Variants in PRUNE2 observed in about 807,000 individuals in gnomAD.
PRUNE2 encodes protein prune homolog 2.
A neutral mutation model predicts 252.0 loss-of-function variants in PRUNE2; 164 were observed. That is an observed-to-expected ratio of 0.65 (90% confidence interval 0.57 to 0.74). The LOEUF (loss-of-function observed/expected upper bound fraction) is 0.74. PRUNE2 is among the 30% of genes least tolerant of loss of function. PRUNE2 has a pLI of 0.00. For synonymous variants in PRUNE2, 1,292 were observed against 1,350.2 expected (o/e 0.96, Z 0.94); for missense variants, 3,495 against 3,711.0 (o/e 0.94, Z 1.51).
chr9:76,757,621 G>A (rs943099668), intron 6 of PRUNE2, among the ~76,000 whole-genome samples: 17 of 152,158 alleles, frequency 1.1e-4, no homozygotes, highest in African/African-American at 4.1e-4. Context: ...AAGTGAGGAA[G>A]AATTTATTAA....
chr9:76,771,557 T>C (rs1297580499), intron 6 of PRUNE2, among the ~76,000 whole-genome samples: 1 of 152,092 alleles, frequency 6.6e-6, no homozygotes, highest in East Asian at 1.9e-4. Flanking sequence ...GCTGGAGTGG[T>C]AGGGTAATAA....
At chr9:76,761,872 C>G (rs2051765331) in intron 6 of PRUNE2, among the ~76,000 whole-genome samples, 1 of 152,118 alleles carries the variant, frequency 6.6e-6, no homozygotes, top group South Asian at 2.1e-4. Flanking sequence ...ATAGCTTTTG[C>G]ATTGGTTATA....
intron 9 of PRUNE2, among the ~76,000 whole-genome samples, chr9:76,697,226 C>A (rs2045476281): frequency 6.6e-6 from 1 of 152,152 alleles, no homozygotes; most frequent in Non-Finnish European, 1.5e-5. Flanking sequence ...AACTAGAAGC[C>A]AATACAACAC....
intron 17 of PRUNE2, among the ~76,000 whole-genome samples, chr9:76,622,441 A>G (rs563798524): frequency 1.4e-4 from 21 of 152,358 alleles, no homozygotes; most frequent in African/African-American, 4.8e-4. Flanking sequence ...CATGGTAATA[A>G]TGAAAGAAAC....
In PRUNE2 at chr9:76,704,166, A is replaced by G. The variant is rs1013384294; in HGVS notation, c.7514-67T>C. 8.3e-5 allele frequency: 85 copies of G among 1,018,338 alleles called. 1 individual carries two copies. The highest frequency in any genetic ancestry group is 5.2e-5 in the Admixed American group (2 of 38,744). The allele number at this position is 1,018,338 out of a possible 1,614,324, so 63.1% of individuals were successfully genotyped here. A position where few individuals can be genotyped will look rare whatever the true frequency, so the allele number is the denominator to read the frequency against. On this transcript the variant is annotated intron_variant, in intron 8 of 18. Coordinates refer to ENST00000376718, the MANE Select transcript of PRUNE2 (RefSeq NM_015225.3). ...TAATTAACACATTGTGTGATTTGTG[A>G]TCCTTGCAAATGATCATCTAAAAGA...
chr9:76,887,944 C>T (rs1444645876), intron 1 of PRUNE2, among the ~76,000 whole-genome samples: 1 of 152,152 alleles, frequency 6.6e-6, no homozygotes, highest in Non-Finnish European at 1.5e-5. Flanking sequence ...CTGACCATCC[C>T]CAAGCTAAAC....
chr9:76,897,197 T>C (rs962977751), intron 1 of PRUNE2, among the ~76,000 whole-genome samples: 4 of 152,166 alleles, frequency 2.6e-5, no homozygotes, highest in African/African-American at 9.7e-5. Flanking sequence ...GCAATTTCAC[T>C]AACTTACCAC....
chr9:76,833,413 A>G (rs773874814), intron 4 of PRUNE2, among the ~76,000 whole-genome samples: 79 of 152,322 alleles, frequency 5.2e-4, no homozygotes, highest in Middle Eastern at 3.4e-3. Flanking sequence ...TCATTATGTG[A>G]AATCTTAGTC....
chr9:76,812,122 T>G (rs1265138420), intron 6 of PRUNE2, among the ~76,000 whole-genome samples: 2 of 151,902 alleles, frequency 1.3e-5, no homozygotes, highest in Admixed American at 1.3e-4. Flanking sequence ...AAAATGATAA[T>G]CCAGGATGCA....
intron 9 of PRUNE2, among the ~76,000 whole-genome samples, chr9:76,668,663 T>C (rs1477728276): frequency 6.6e-6 from 1 of 151,928 alleles, no homozygotes; most frequent in Non-Finnish European, 1.5e-5. Flanking sequence ...TGTTGGAAAC[T>C]TGTAGGAGTT....
chr9:76,614,984 G>T, intron 18 of PRUNE2: 2 of 494,100 alleles, frequency 4.0e-6, no homozygotes, highest in Non-Finnish European at 5.3e-6. Context: ...CAAATGTTCT[G>T]CCTCAAGTAA....
intron 6 of PRUNE2, among the ~76,000 whole-genome samples, chr9:76,777,915 C>T (rs2053975640): frequency 1.3e-5 from 2 of 152,058 alleles, no homozygotes; most frequent in South Asian, 4.2e-4. Context: ...GGTACAAAGT[C>T]CCTGAGGCAA....
intron 1 of PRUNE2, among the ~76,000 whole-genome samples, chr9:76,883,307 C>T (rs767061919): frequency 1.3e-5 from 2 of 152,208 alleles, no homozygotes; most frequent in African/African-American, 2.4e-5. Context: ...TCGCACCTTT[C>T]GGGTTCAACC....
rs773825337 is a variant in PRUNE2, at chr9:76,613,842, C to CA, written c.*727dup. The CA allele has an allele frequency of 1.8e-4, 27 of 152,136 alleles. No individual in the cohort carries two copies. The highest frequency in any genetic ancestry group is 4.6e-4 in the Admixed American group (7 of 15,276). 9.4% of individuals were successfully genotyped at this position (152,136 alleles called of 1,614,324 possible). A position where few individuals can be genotyped will look rare whatever the true frequency, so the allele number is the denominator to read the frequency against. On this transcript the variant is annotated 3_prime_UTR_variant, in exon 19 of 19. Coordinates refer to ENST00000376718, the MANE Select transcript of PRUNE2 (RefSeq NM_015225.3). ...GGAGCTGAGTTTATGGCCTGAAACT[C>CA]AGAGAGCTACCAAACATGCAACACG...
At chr9:76,810,189 T>C (rs1194503261) in intron 6 of PRUNE2, among the ~76,000 whole-genome samples, 5 of 152,232 alleles carry the variant, frequency 3.3e-5, no homozygotes, top group Non-Finnish European at 5.9e-5. Flanking sequence ...GGGCAAAACA[T>C]AGACACAAAT....
intron 4 of PRUNE2, among the ~76,000 whole-genome samples, chr9:76,836,753 G>C (rs1217907554): frequency 6.6e-6 from 1 of 152,146 alleles, no homozygotes; most frequent in African/African-American, 2.4e-5. Context: ...CCCCCACAAA[G>C]CCTGAACACA....
Position 76,743,673 on chromosome 9 carries a change from A to G in PRUNE2, c.757-29952T>C, listed in dbSNP as rs376760424. 3.9e-4 allele frequency among the ~76,000 whole-genome samples: 59 copies of G among 152,340 alleles called. 1 individual carries two copies. In the East Asian group the frequency reaches 9.2e-3, roughly 24 times the overall value. ...CTTATTTGACATACTGTTAATAGGA[A>G]AAAGAAAATTCCAGAATAATGTGTA... On this transcript the variant is annotated intron_variant, in intron 6 of 18. Coordinates refer to ENST00000376718, the MANE Select transcript of PRUNE2 (RefSeq NM_015225.3).
At chr9:76,626,189 T>C (rs558128857) in intron 16 of PRUNE2, among the ~76,000 whole-genome samples, 11 of 152,272 alleles carry the variant, frequency 7.2e-5, no homozygotes, top group African/African-American at 2.6e-4. Context: ...ACTAATTAAG[T>C]GTTTGCAGTG....
chr9:76,902,541 C>T (rs890185448), intron 1 of PRUNE2, among the ~76,000 whole-genome samples: 47 of 152,158 alleles, frequency 3.1e-4, no homozygotes, highest in South Asian at 6.2e-4. Context: ...TCTTTGATTA[C>T]GATCTCAAGC....
Sources: gnomAD v4.1 joint callset for allele counts (sites outside exome capture counted in the v4.1 genomes callset) on GRCh38, gnomAD v4.1.1 for gene constraint, MANE v1.5 for transcripts, NCBI Gene and HGNC (gene_info 2026-07-23, HGNC 2026-07-21) for gene names.